KCNIP4: variants seen among roughly 807,000 people sequenced by gnomAD.
The protein encoded by KCNIP4 is potassium voltage-gated channel interacting protein 4.
Under a neutral mutation model 34.0 loss-of-function variants are expected in KCNIP4, and 12 were observed. That is an observed-to-expected ratio of 0.35 (90% CI 0.23 to 0.57). The LOEUF (loss-of-function observed/expected upper bound fraction) is 0.57. Among genes scored for constraint, KCNIP4 ranks in the 20% least tolerant of loss-of-function variants. KCNIP4 has a pLI of 0.83. For synonymous variants in KCNIP4, 124 were observed against 102.2 expected, an observed-to-expected ratio of 1.21 and a Z score of -1.29; for missense variants, 238 against 311.7, an observed-to-expected ratio of 0.76 and a Z score of 1.78.
intron 2 of KCNIP4, among the ~76,000 whole-genome samples, chr4:20,857,338 T>A (rs1721704605): frequency 6.6e-6 from 1 of 152,186 alleles, no homozygotes; most frequent in Admixed American, 6.5e-5. Flanking sequence ...AGCCACCTTG[T>A]AAGAGCCTGT....
chr4:21,112,214 A>T (rs2109106741), intron 1 of KCNIP4, among the ~76,000 whole-genome samples: 1 of 152,296 alleles, frequency 6.6e-6, no homozygotes, highest in South Asian at 2.1e-4. Context: ...AAATGCAGCA[A>T]CTTGAGGAAC....
intron 1 of KCNIP4, among the ~76,000 whole-genome samples, chr4:21,604,458 T>G (rs1743473279): frequency 6.6e-6 from 1 of 152,206 alleles, no homozygotes; most frequent in African/African-American, 2.4e-5. Flanking sequence ...TATAAAAGAC[T>G]TATTAAACAT....
intron 1 of KCNIP4, among the ~76,000 whole-genome samples, chr4:21,416,705 T>C (rs904591420): frequency 4.6e-5 from 7 of 152,228 alleles, no homozygotes; most frequent in East Asian, 1.9e-4. Context: ...AGAACTGACT[T>C]CAAATGCAGA....
rs192166787 is a variant in KCNIP4, at chr4:21,906,377, C to T, written c.61+42194G>A. 4.4e-4 allele frequency among the ~76,000 whole-genome samples: 67 copies of T among 152,156 alleles called. No homozygotes were observed. In the East Asian group the frequency reaches 7.8e-3, roughly 18 times the overall value. On this transcript the variant is annotated intron_variant, in intron 1 of 8. Transcript: ENST00000382152. ...TTAGACACACTCAGAGGAGGAAAAG[C>T]GAACGTGAAGATAGAAGCAGAGATT...
At chr4:21,345,203 A>C (rs1458999249) in intron 1 of KCNIP4, among the ~76,000 whole-genome samples, 1 of 152,084 alleles carries the variant, frequency 6.6e-6, no homozygotes, top group Non-Finnish European at 1.5e-5. Flanking sequence ...ACCAGCTGCC[A>C]TGCATGAGGA....
intron 1 of KCNIP4, among the ~76,000 whole-genome samples, chr4:21,705,537 C>T (rs4359890): frequency 0.68 from 103,065 of 151,964 alleles, 36,493 homozygotes; most frequent in African/African-American, 0.87. Flanking sequence ...CATGAGTGAA[C>T]CCAATAGACA....
chr4:21,542,975 T>C (rs1364937157), intron 1 of KCNIP4, among the ~76,000 whole-genome samples: 1 of 151,970 alleles, frequency 6.6e-6, no homozygotes, highest in Admixed American at 6.6e-5. Context: ...GTCAATTCAA[T>C]GATGATTTTA....
chr4:21,491,276 T>C (rs1051125514), intron 1 of KCNIP4, among the ~76,000 whole-genome samples: 1 of 152,128 alleles, frequency 6.6e-6, no homozygotes, highest in Non-Finnish European at 1.5e-5. Context: ...CTTCCAGGGA[T>C]GATCCTTCAT....
intron 3 of KCNIP4, among the ~76,000 whole-genome samples, chr4:20,820,332 T>C (rs1171584223): frequency 6.6e-6 from 1 of 152,198 alleles, no homozygotes; most frequent in Non-Finnish European, 1.5e-5. Context: ...GTCTGTGTCT[T>C]AGTGCTTAGT....
At chr4:21,705,346 T>A (rs751705065) in intron 1 of KCNIP4, among the ~76,000 whole-genome samples, 1 of 152,162 alleles carries the variant, frequency 6.6e-6, no homozygotes, top group Admixed American at 6.6e-5. Context: ...TTTTGTAAGA[T>A]GTCACCACTG....
chr4:21,944,577 A>G (rs946345280), intron 1 of KCNIP4, among the ~76,000 whole-genome samples: 43 of 145,900 alleles, frequency 2.9e-4, no homozygotes, highest in African/African-American at 8.3e-4. Flanking sequence ...AAAAAAAAAA[A>G]AGAGAGATCT....
intron 1 of KCNIP4, among the ~76,000 whole-genome samples, chr4:20,985,825 C>T (rs1736519418): frequency 6.6e-6 from 1 of 152,146 alleles, no homozygotes; most frequent in Admixed American, 6.5e-5. Context: ...GAGGCGGTAA[C>T]TGTCCATAAT....
chr4:20,936,513 CCTT>C (rs1467238291), intron 1 of KCNIP4, among the ~76,000 whole-genome samples: 2 of 151,848 alleles, frequency 1.3e-5, no homozygotes, highest in African/African-American at 4.8e-5. Context: ...TAACTTTACT[CCTT>C]CTACAAGTAC....
At chr4:21,564,341 C>T (rs1577603147) in intron 1 of KCNIP4, among the ~76,000 whole-genome samples, 2 of 152,204 alleles carry the variant, frequency 1.3e-5, no homozygotes, top group South Asian at 2.1e-4. Flanking sequence ...AATGAGCTCT[C>T]ATGTGCACCT....
chr4:20,734,081 G>A (rs143633643), intron 6 of KCNIP4, among the ~76,000 whole-genome samples: 13 of 152,260 alleles, frequency 8.5e-5, no homozygotes, highest in Admixed American at 4.6e-4. Flanking sequence ...CCTGTCCTGC[G>A]TGGTTAACTT....
intron 1 of KCNIP4, among the ~76,000 whole-genome samples, chr4:20,929,570 T>G (rs1418775563): frequency 6.6e-6 from 1 of 151,986 alleles, no homozygotes. Context: ...AAAAAGCATT[T>G]AAGTCAGAAA....
rs184916559 is a variant in KCNIP4 at position 21,017,731 on chromosome 4, C to G, written c.62-135022G>C. 3.8e-3 allele frequency among the ~76,000 whole-genome samples: 577 copies of G among 152,178 alleles called. 7 individuals carry two copies. The South Asian group carries it at 0.053, about 14-fold the overall frequency. On this transcript the variant is annotated intron_variant, in intron 1 of 8. Coordinates refer to ENST00000382152, the MANE Select transcript of KCNIP4 (RefSeq NM_025221.6). ...CAGTAATAGGATTGCTGGGCCAAATCGTATTTCCAGTTCTAGGTCTTTGAA... is the reference window on the plus strand; with the variant it reads ...CAGTAATAGGATTGCTGGGCCAAATGGTATTTCCAGTTCTAGGTCTTTGAA...
At chr4:21,247,687 T>G (rs1403873032) in intron 1 of KCNIP4, among the ~76,000 whole-genome samples, 1 of 124,452 alleles carries the variant, frequency 8.0e-6, no homozygotes, top group Non-Finnish European at 1.6e-5. Flanking sequence ...ATAGATATAT[T>G]TATATCTATA....
At chr4:21,096,004 T>A (rs1747431167) in intron 1 of KCNIP4, among the ~76,000 whole-genome samples, 1 of 152,208 alleles carries the variant, frequency 6.6e-6, no homozygotes, top group Non-Finnish European at 1.5e-5. Context: ...GTTACAAATT[T>A]GAATATGGCA....
Sources: allele counts gnomAD v4.1 joint callset (sites outside exome capture counted in the v4.1 genomes callset), GRCh38; gene constraint gnomAD v4.1.1; transcripts MANE v1.5; gene names NCBI Gene and HGNC (gene_info 2026-07-23, HGNC 2026-07-21).